PPFIA2: variants seen among roughly 807,000 people sequenced by gnomAD.
PPFIA2 encodes liprin-alpha-2.
Under a neutral mutation model 175.5 loss-of-function variants are expected in PPFIA2, and 46 were observed. The observed-to-expected ratio is 0.26, with a 90% confidence interval of 0.21 to 0.34. PPFIA2 has a LOEUF of 0.34. Ranked by LOEUF, PPFIA2 falls within the 10% of genes least tolerant of loss-of-function variation. The probability of loss-of-function intolerance (pLI) is 1.00; values close to 1 mark genes in which losing one functional copy is unlikely to be tolerated. For missense variants in PPFIA2, 1,179 were observed against 1,506.1 expected, an observed-to-expected ratio of 0.78 and a Z score of 3.60; for synonymous variants, 568 against 511.4, an observed-to-expected ratio of 1.11 and a Z score of -1.49.
At position 81,439,960 on chromosome 12, in the gene PPFIA2, G is replaced by T; in HGVS notation, c.645+12C>A. On this transcript the variant is annotated intron_variant, in intron 7 of 32. Coordinates refer to ENST00000549396, the MANE Select transcript of PPFIA2 (RefSeq NM_003625.5). ...ATTGCACCTCAAAAGAGGAGAAAGTGTGGCAGGTTACCTCCTGATTAGCAG... is the reference window on the plus strand; with the variant it reads ...ATTGCACCTCAAAAGAGGAGAAAGTTTGGCAGGTTACCTCCTGATTAGCAG... The T allele has an allele frequency of 6.2e-7, 1 of 1,602,794 alleles. No homozygotes were observed.
intron 17 of PPFIA2, among the ~76,000 whole-genome samples, chr12:81,352,546 C>T (rs553459948): frequency 2.6e-5 from 4 of 151,978 alleles, no homozygotes; most frequent in African/African-American, 9.6e-5. Flanking sequence ...CTGATACCTT[C>T]ATCTTGGACC....
At chr12:81,676,273 A>G (rs2072489522) in intron 4 of PPFIA2, among the ~76,000 whole-genome samples, 1 of 152,022 alleles carries the variant, frequency 6.6e-6, no homozygotes, top group Non-Finnish European at 1.5e-5. Context: ...CACAGAAAGG[A>G]CTAAGATGTT....
At chr12:81,737,303 T>C (rs564508755) in intron 3 of PPFIA2, among the ~76,000 whole-genome samples, 1 of 152,100 alleles carries the variant, frequency 6.6e-6, no homozygotes, top group East Asian at 1.9e-4. Context: ...GTAGCCTTAA[T>C]GAATCTTCCT....
rs138916595 is a variant in PPFIA2, at chr12:81,445,070, A to T, written c.570+486T>A. On this transcript the variant is annotated intron_variant, in intron 6 of 32. Coordinates refer to ENST00000549396, the MANE Select transcript of PPFIA2 (RefSeq NM_003625.5). ...ATTCAAATGAATATTTAAAACTATG[A>T]TATTAGAGACATTAGAAAATAAGAT... Among the ~76,000 whole-genome samples, 1,178 of 152,250 alleles carry T rather than the reference A, an allele frequency of 7.7e-3. 14 individuals carry two copies. Among genetic ancestry groups the T allele is most frequent in the African/African-American group, 0.027 (1,114 of 41,560 alleles).
At chr12:81,571,400 C>A (rs1469080701) in intron 4 of PPFIA2, among the ~76,000 whole-genome samples, 2 of 152,104 alleles carry the variant, frequency 1.3e-5, no homozygotes, top group African/African-American at 4.8e-5. Flanking sequence ...CCTCTCCCTG[C>A]TGCCATTTGA....
At chr12:81,472,354 T>C (rs1484182919) in intron 4 of PPFIA2, among the ~76,000 whole-genome samples, 2 of 152,208 alleles carry the variant, frequency 1.3e-5, no homozygotes, top group Non-Finnish European at 2.9e-5. Context: ...TAAAATGGTA[T>C]GTGTTGTTGC....
intron 4 of PPFIA2, among the ~76,000 whole-genome samples, chr12:81,603,252 C>G (rs1242961296): frequency 6.6e-6 from 1 of 151,782 alleles, no homozygotes; most frequent in African/African-American, 2.4e-5. Flanking sequence ...GATAGTAAGA[C>G]CCTAATTTGT....
intron 28 of PPFIA2, among the ~76,000 whole-genome samples, chr12:81,276,734 A>G (rs926893540): frequency 1.3e-5 from 2 of 152,166 alleles, no homozygotes; most frequent in African/African-American, 4.8e-5. Flanking sequence ...TATTCAAATA[A>G]AACATTTTTC....
intron 4 of PPFIA2, among the ~76,000 whole-genome samples, chr12:81,542,755 A>T (rs2066412504): frequency 6.6e-6 from 1 of 152,122 alleles, no homozygotes; most frequent in South Asian, 2.1e-4. Context: ...AGCCAGCTTT[A>T]TAGCCAGGAA....
At chr12:81,587,823 C>T (rs2075506712) in intron 4 of PPFIA2, among the ~76,000 whole-genome samples, 1 of 151,856 alleles carries the variant, frequency 6.6e-6, no homozygotes, top group Admixed American at 6.6e-5. Flanking sequence ...AGTGCAGAGG[C>T]CTAGTGTTTT....
At chr12:81,364,529 G>A (rs142108060) in intron 14 of PPFIA2, among the ~76,000 whole-genome samples, 4 of 151,896 alleles carry the variant, frequency 2.6e-5, no homozygotes, top group African/African-American at 9.6e-5. Context: ...GAGGACTACA[G>A]GTGTGCACCA....
intron 4 of PPFIA2, among the ~76,000 whole-genome samples, chr12:81,618,843 T>C (rs2061708345): frequency 6.6e-6 from 1 of 152,214 alleles, no homozygotes; most frequent in Admixed American, 6.5e-5. Context: ...ATGGCACTTC[T>C]ATTCATTCAT....
rs566015599 is a variant in PPFIA2, at chr12:81,431,876, C to T, written c.645+8096G>A. Among the ~76,000 whole-genome samples the T allele has an allele frequency of 2.6e-5, 4 of 152,236 alleles. No homozygotes were observed. In the East Asian group the frequency reaches 7.7e-4, roughly 29 times the overall value. Reference sequence around the variant, plus strand: ...AGCCACCCCTCACTCAGATCTGCCTCTCTCTGTCACCTCCTCCCCAATCCT... The same window carrying T: ...AGCCACCCCTCACTCAGATCTGCCTTTCTCTGTCACCTCCTCCCCAATCCT... On this transcript the variant is annotated intron_variant, in intron 7 of 32. Coordinates refer to ENST00000549396, the MANE Select transcript of PPFIA2 (RefSeq NM_003625.5).
intron 4 of PPFIA2, among the ~76,000 whole-genome samples, chr12:81,608,852 T>C (rs911680903): frequency 6.6e-6 from 1 of 152,016 alleles, no homozygotes; most frequent in Non-Finnish European, 1.5e-5. Flanking sequence ...TTCTTCTTTT[T>C]ATTTTTCCTA....
chr12:81,705,740 T>C (rs192564776), intron 3 of PPFIA2, among the ~76,000 whole-genome samples: 4 of 152,288 alleles, frequency 2.6e-5, no homozygotes, highest in Admixed American at 2.6e-4. Flanking sequence ...CAGTTGATTA[T>C]TTTGTCATGA....
At chr12:81,704,956 T>C (rs2076932776) in intron 3 of PPFIA2, among the ~76,000 whole-genome samples, 1 of 150,974 alleles carries the variant, frequency 6.6e-6, no homozygotes, top group African/African-American at 2.4e-5. Flanking sequence ...TGGTGGCACA[T>C]GCCTGTAATC....
intron 8 of PPFIA2, among the ~76,000 whole-genome samples, chr12:81,393,495 A>G (rs1413298013): frequency 2.0e-5 from 3 of 152,080 alleles, no homozygotes; most frequent in Non-Finnish European, 2.9e-5. Flanking sequence ...AGAATATTTA[A>G]TAGAACCCTG....
chr12:81,506,023 C>T (rs933134945), intron 4 of PPFIA2: 2 of 152,134 alleles, frequency 1.3e-5, no homozygotes, highest in African/African-American at 4.8e-5. Context: ...ACAGGGTTGC[C>T]TCGATTTTCT....
At chr12:81,557,268 A>G (rs1594906453) in intron 4 of PPFIA2, among the ~76,000 whole-genome samples, 1 of 151,882 alleles carries the variant, frequency 6.6e-6, no homozygotes, top group African/African-American at 2.4e-5. Context: ...AGGTATAATA[A>G]TATAAAGAGT....
Sources: gnomAD v4.1 joint callset for allele counts (sites outside exome capture counted in the v4.1 genomes callset) on GRCh38, gnomAD v4.1.1 for gene constraint, MANE v1.5 for transcripts, NCBI Gene and HGNC (gene_info 2026-07-23, HGNC 2026-07-21) for gene names.